Variants in PEX6 observed in about 807,000 individuals in gnomAD.
PEX6 encodes peroxisomal biogenesis factor 6.
PEX6 carries 55 observed loss-of-function variants against 85.6 expected under a neutral mutation model. That is an observed-to-expected ratio of 0.64 (90% CI 0.52 to 0.80). PEX6 has a LOEUF of 0.80. Among genes scored for constraint, PEX6 ranks in the 30% least tolerant of loss-of-function variants. PEX6 has a pLI of 0.00. For synonymous variants in PEX6, 519 were observed against 549.1 expected (o/e 0.95, Z 0.77); for missense variants, 1,099 against 1,260.3 (o/e 0.87, Z 1.94).
Position 42,963,916 on chromosome 6 carries a change from CCCA to C in PEX6, c.*416_*418del. ...TTATTTATGTCAGAAGGATCAGGCTCCCATGCTGCCCACCCCCCCACCCTCTCC... is the reference window on the plus strand; with the variant it reads ...TTATTTATGTCAGAAGGATCAGGCTCTGCTGCCCACCCCCCCACCCTCTCC... On this transcript the variant is annotated 3_prime_UTR_variant, in exon 17 of 17. Coordinates refer to ENST00000304611, the MANE Select transcript of PEX6 (RefSeq NM_000287.4). 1.6e-6 allele frequency: 1 copy of C among 636,046 alleles called. No homozygotes were observed. Among genetic ancestry groups the C allele is most frequent in the Non-Finnish European group, 2.9e-6 (1 of 350,252 alleles). 39.4% of individuals were successfully genotyped at this position (636,046 alleles called of 1,614,324 possible).
chr6:42,966,288 G>C lies in PEX6; in HGVS notation c.2254C>G (p.Leu752Val), dbSNP rs374975985. The C allele has an allele frequency of 1.4e-5, 23 of 1,612,252 alleles. No homozygotes were observed. Among genetic ancestry groups the C allele is most frequent in the Middle Eastern group, 3.3e-4 (2 of 6,084 alleles). ...TCAGTGGCTACTGCCTTGGCCAGAA[G>C]GGTCTTGCCGGTGCCAGGGGGCCCA... The part of the protein sequence containing the change: ...LHGPPGTGKT[L>V]LAKAVATECS... Residue 752 changes from leucine to valine, a missense_variant, in exon 11 of 17, where the codon CTT becomes GTT. Physicochemically the swap from Leu to Val is conservative, Grantham distance 32. Around this residue, in one of 3 missense-constraint regions of PEX6, gnomAD observed 514 missense variants for 627.0 expected, o/e 0.82. Coordinates refer to ENST00000304611, the MANE Select transcript of PEX6 (RefSeq NM_000287.4).
At chr6:42,975,922 C>A (rs984372896) in intron 1 of PEX6, among the ~76,000 whole-genome samples, 30 of 151,532 alleles carry the variant, frequency 2.0e-4, no homozygotes, top group African/African-American at 6.3e-4. Flanking sequence ...TGGAGTCTCG[C>A]TTGTCACCCA....
At chr6:42,969,118 A>G in intron 5 of PEX6, 133 bp from the exon 6 acceptor site, 1 of 687,086 alleles carries the variant, frequency 1.5e-6, no homozygotes, top group Non-Finnish European at 2.6e-6. Flanking sequence ...ACCCCAGGAC[A>G]GGGCTGTCCC....
At chr6:42,966,744 T>A in intron 9 of PEX6, 38 bp downstream of exon 9, 1 of 1,613,658 alleles carries the variant, frequency 6.2e-7, no homozygotes, top group Non-Finnish European at 8.5e-7. Flanking sequence ...CTACATCCAT[T>A]TCCTCTTTCC....
Position 42,968,345 on chromosome 6 carries a change from C to G in PEX6, c.1633G>C (p.Ala545Pro). Residue 545 changes from alanine (A) to proline (P), a missense_variant, in exon 7 of 17, where the codon GCC becomes CCC. Ala to Pro is a conservative substitution (Grantham distance 27). This residue lies in a region of PEX6 where 514 missense variants were observed against 627.0 expected (regional missense o/e 0.82). Coordinates refer to ENST00000304611, the MANE Select transcript of PEX6 (RefSeq NM_000287.4). The stretch of plus-strand genomic sequence containing the variant: ...TGACGCAGCACAGCCATCACACGGG[C>G]ATCCTCACCCAGCCCATCACGGTCC... ...GRDRDGLGED[A>P]RVMAVLRHLL... 6.2e-7 allele frequency: 1 copy of G among 1,614,216 alleles called. No homozygotes were observed. Among genetic ancestry groups the G allele is most frequent in the Non-Finnish European group, 8.5e-7 (1 of 1,180,048 alleles).
rs562220149 is a variant in PEX6, at chr6:42,964,584, C to G, written c.2807-113G>C. ...ATGTCAATGATCTTCCCTCTGGAAT[C>G]CAGGACTAGGTTTGTCTCCCACTAG... On this transcript the variant is annotated intron_variant, in intron 16 of 16. Transcript: ENST00000304611. This position sits in a 1 kb window ranked among gnomAD's most constrained non-coding sequence, Gnocchi z 4.6. 5.0e-6 allele frequency: 7 copies of G among 1,411,256 alleles called. No homozygotes were observed. The East Asian group carries it at 1.6e-4, about 32-fold the overall frequency. 87.4% of individuals were successfully genotyped at this position (1,411,256 alleles called of 1,614,324 possible).
chr6:42,975,280 G>C (rs1444735305), intron 1 of PEX6, among the ~76,000 whole-genome samples: 1 of 152,198 alleles, frequency 6.6e-6, no homozygotes, highest in South Asian at 2.1e-4. Flanking sequence ...TAACCTTTCT[G>C]TGACACTTTC....
At position 42,978,842 on chromosome 6, in the gene PEX6, T is replaced by C. The variant is rs1441382495; in HGVS notation, c.309A>G (p.Leu103=). 6.6e-7 allele frequency: 1 copy of C among 1,516,102 alleles called. No individual in the cohort carries two copies. The highest frequency in any genetic ancestry group is 8.8e-7 in the Non-Finnish European group (1 of 1,139,988). 93.9% of individuals were successfully genotyped at this position (1,516,102 alleles called of 1,614,324 possible). A position where few individuals can be genotyped will look rare whatever the true frequency, so the allele number is the denominator to read the frequency against. The change falls in exon 1 of 17, where the codon CTA becomes CTG. Residue 103 remains leucine, a synonymous_variant. Coordinates refer to ENST00000304611, the MANE Select transcript of PEX6 (RefSeq NM_000287.4). The part of the protein sequence containing the change: ...RARAVRRPPA[L]GWALLGTSLG... ...GCGAGGTGCCAAGCAGTGCCCAACC[T>C]AGCGCCGGGGGCCGCCGCACCGCCC...
chr6:42,972,056 G>C (rs1770070716), intron 3 of PEX6, among the ~76,000 whole-genome samples: 1 of 152,122 alleles, frequency 6.6e-6, no homozygotes, highest in Non-Finnish European at 1.5e-5. Flanking sequence ...CCTGAGACTG[G>C]GGGTACTGAG....
At chr6:42,975,229 C>T (rs1249300286) in intron 1 of PEX6, among the ~76,000 whole-genome samples, 191 bp from the exon 2 acceptor site, 2 of 152,168 alleles carry the variant, frequency 1.3e-5, no homozygotes, top group Non-Finnish European at 2.9e-5. Flanking sequence ...AATATCACCT[C>T]CTATCCCGAC....
chr6:42,965,835 G>T lies in PEX6; in HGVS notation c.2363-46C>A. ...ACAGGAGGGCAAAGCTCGGCTTGTGGGGGGTTGAAGTTAGGTGAGAGCAGG... is the reference window on the plus strand; with the variant it reads ...ACAGGAGGGCAAAGCTCGGCTTGTGTGGGGTTGAAGTTAGGTGAGAGCAGG... On this transcript the variant is annotated intron_variant, in intron 12 of 16. Transcript: ENST00000304611. This position sits in a 1 kb window ranked among gnomAD's most constrained non-coding sequence, Gnocchi z 5.0. The T allele has an allele frequency of 6.5e-7, 1 of 1,546,142 alleles. No individual in the cohort carries two copies. The highest frequency in any genetic ancestry group is 1.1e-5 in the South Asian group (1 of 89,596).
chr6:42,975,121 T>C (rs1770235144), intron 1 of PEX6, 83 bp from the exon 2 acceptor site: 2 of 1,168,984 alleles, frequency 1.7e-6, no homozygotes, highest in Middle Eastern at 2.8e-4. Flanking sequence ...AACATGTCTA[T>C]TTCCATCCTG....
chr6:42,970,061 A>G (rs1267409448), intron 3 of PEX6, 74 bp from the exon 4 acceptor site: 1 of 1,165,968 alleles, frequency 8.6e-7, no homozygotes, highest in Non-Finnish European at 1.3e-6. Context: ...AGGTTTCTCA[A>G]TCACAGAGGA....
intron 1 of PEX6, among the ~76,000 whole-genome samples, chr6:42,977,596 C>T (rs1359560131): frequency 1.3e-5 from 2 of 151,470 alleles, no homozygotes; most frequent in Non-Finnish European, 2.9e-5. Context: ...CTGACCAATA[C>T]GGTGAAACCC....
At position 42,978,398 on chromosome 6, in the gene PEX6, G is replaced by A; in HGVS notation, c.753C>T (p.Leu251=). The A allele has an allele frequency of 6.2e-7, 1 of 1,614,182 alleles. No homozygotes were observed. The highest frequency in any genetic ancestry group is 8.5e-7 in the Non-Finnish European group (1 of 1,180,032). ...RVQVLEPRWD[L]SDRLGPGSGP... is the part of the protein sequence containing the mutation. ...CAGAGCCGGGTCCCAGTCTATCAGA[G>A]AGGTCCCAGCGAGGTTCTAGGACCT... is the stretch of plus-strand genomic sequence containing the variant. The change falls in exon 1 of 17, where the codon CTC becomes CTT. Residue 251 remains leucine (L), a synonymous_variant. Coordinates refer to ENST00000304611, the MANE Select transcript of PEX6 (RefSeq NM_000287.4).
At chr6:42,977,255 T>C (rs1039891246) in intron 1 of PEX6, among the ~76,000 whole-genome samples, 18 of 150,916 alleles carry the variant, frequency 1.2e-4, no homozygotes, top group African/African-American at 4.4e-4. Flanking sequence ...ACCTCACTTT[T>C]TTTTTTTTTT....
At chr6:42,975,115 T>C (rs1360264488) in intron 1 of PEX6, 77 bp from the exon 2 acceptor site, 1 of 1,207,204 alleles carries the variant, frequency 8.3e-7, no homozygotes, top group Non-Finnish European at 1.2e-6. Flanking sequence ...GCAGCCAACA[T>C]GTCTATTTCC....
chr6:42,978,547 C>A lies in PEX6; in HGVS notation c.604G>T (p.Gly202Ter). Reference protein sequence around the residue: ...RRLQGVLGGTGDSLGVSRSCL... With the variant: ...RRLQGVLGGT ...CTCCGGCTCACCCCTAGTGAATCTCCAGTCCCTCCCAGAACTCCCTGGAGT... is the reference window on the plus strand; with the variant it reads ...CTCCGGCTCACCCCTAGTGAATCTCAAGTCCCTCCCAGAACTCCCTGGAGT... The change falls in exon 1 of 17, where the codon GGA becomes TGA. Residue 202 changes from glycine (G) to a stop codon, truncating the protein, a stop_gained. Coordinates refer to ENST00000304611, the MANE Select transcript of PEX6 (RefSeq NM_000287.4). LOFTEE classifies it high-confidence loss of function. 1 of 1,613,530 alleles carries A rather than the reference C, an allele frequency of 6.2e-7. No individual in the cohort carries two copies. The highest frequency in any genetic ancestry group is 2.2e-5 in the East Asian group (1 of 44,866).
At chr6:42,974,118 C>T in intron 2 of PEX6, 32 bp from the exon 3 acceptor site, 1 of 1,530,324 alleles carries the variant, frequency 6.5e-7, no homozygotes, top group Non-Finnish European at 9.1e-7. Context: ...GGTCAGGTCA[C>T]AATGGGAGTA....
Sources: allele counts gnomAD v4.1 joint callset (sites outside exome capture counted in the v4.1 genomes callset), GRCh38; gene constraint gnomAD v4.1.1; regional missense constraint gnomAD v4.1.1; non-coding constraint Gnocchi (gnomAD v3.1); transcripts MANE v1.5; gene names NCBI Gene and HGNC (gene_info 2026-07-23, HGNC 2026-07-21).